The following LARGE1 variants were observed in gnomAD, a reference collection of about 807,000 sequenced individuals.
LARGE1 encodes the protein xylosyl- and glucuronyltransferase LARGE1.
A neutral mutation model predicts 87.6 loss-of-function variants in LARGE1; 43 were observed. The observed-to-expected ratio is 0.49, with a 90% confidence interval of 0.38 to 0.63. LARGE1 has a LOEUF of 0.63. Ranked by LOEUF, LARGE1 falls within the 30% of genes least tolerant of loss-of-function variation. The pLI is 0.00. For missense variants in LARGE1, 802 were observed against 1,000.2 expected (o/e 0.80, Z 2.67); for synonymous variants, 434 against 394.6 (o/e 1.10, Z -1.18).
intron 5 of LARGE1, among the ~76,000 whole-genome samples, chr22:33,596,574 A>G (rs1178100326): frequency 6.6e-6 from 1 of 152,232 alleles, no homozygotes; most frequent in African/African-American, 2.4e-5. Context: ...CAGGACCACA[A>G]AGGAAAGAAG....
chr22:33,451,703 C>T (rs2067933469), intron 6 of LARGE1, among the ~76,000 whole-genome samples: 1 of 150,800 alleles, frequency 6.6e-6, no homozygotes, highest in African/African-American at 2.4e-5. Context: ...GGATTACAGG[C>T]ACGCACCACC....
chr22:33,191,609 C>T (rs1425059740), intron 11 of LARGE1, among the ~76,000 whole-genome samples: 2 of 152,194 alleles, frequency 1.3e-5, no homozygotes, highest in African/African-American at 2.4e-5. Context: ...TACCACTCTG[C>T]CCCCAGAGTT....
chr22:33,807,311 G>C (rs764747419), intron 1 of LARGE1, among the ~76,000 whole-genome samples: 28 of 152,208 alleles, frequency 1.8e-4, no homozygotes, highest in Non-Finnish European at 3.2e-4. Flanking sequence ...TTAGGAACCA[G>C]CATGTAGTAG....
intron 11 of LARGE1, among the ~76,000 whole-genome samples, chr22:33,255,095 A>G (rs1220697296): frequency 1.3e-5 from 2 of 151,866 alleles, no homozygotes; most frequent in Non-Finnish European, 2.9e-5. Flanking sequence ...CTGCCACCAC[A>G]CCCAGCTAAT....
At chr22:33,882,035 G>GTTTTTTTTTTTT (rs56757133) in intron 1 of LARGE1, among the ~76,000 whole-genome samples, 1 of 144,228 alleles carries the variant, frequency 6.9e-6, no homozygotes, top group African/African-American at 2.6e-5. Context: ...TTTTGTTTTT[G>GTTTTTTTTTTTT]TTTTTTTTTG....
intron 6 of LARGE1, among the ~76,000 whole-genome samples, chr22:33,437,552 G>A (rs1216112656): frequency 6.6e-6 from 1 of 152,004 alleles, no homozygotes; most frequent in African/African-American, 2.4e-5. Context: ...TAAAAGCGTC[G>A]ATGAAATAGT....
chr22:33,886,123 G>A (rs1363303700), intron 1 of LARGE1, among the ~76,000 whole-genome samples: 1 of 152,142 alleles, frequency 6.6e-6, no homozygotes, highest in African/African-American at 2.4e-5. Context: ...AGGTAACCAC[G>A]CAGCCAAGCT....
intron 11 of LARGE1, among the ~76,000 whole-genome samples, chr22:33,178,597 G>C (rs61594304): frequency 7.2e-5 from 11 of 152,118 alleles, no homozygotes; most frequent in African/African-American, 2.2e-4. Flanking sequence ...TTGGGGTTTT[G>C]CTTTATGAAA....
chr22:33,318,063 C>T (rs556790458), intron 10 of LARGE1, among the ~76,000 whole-genome samples: 26 of 151,748 alleles, frequency 1.7e-4, no homozygotes, highest in African/African-American at 5.3e-4. Flanking sequence ...GGTGACACCC[C>T]GTCTCTACTA....
chr22:33,779,253 A>G (rs1266654994), intron 1 of LARGE1, among the ~76,000 whole-genome samples: 2 of 152,184 alleles, frequency 1.3e-5, no homozygotes, highest in Non-Finnish European at 2.9e-5. Flanking sequence ...TTCATTATAT[A>G]TGTCTGGCTC....
At chr22:33,920,783 GC>G (rs2147023075), upstream of LARGE1, among the ~76,000 whole-genome samples, 1 of 144,842 alleles carries the variant, frequency 6.9e-6, no homozygotes, top group East Asian at 2.1e-4. Context: ...AGATGCGCCG[GC>G]TTCCCGGAGC....
At chr22:33,528,601 T>C (rs2072031833) in intron 6 of LARGE1, among the ~76,000 whole-genome samples, 1 of 152,184 alleles carries the variant, frequency 6.6e-6, no homozygotes, top group South Asian at 2.1e-4. Context: ...AGAACCACTC[T>C]GTGTTGGGTG....
intron 2 of LARGE1, among the ~76,000 whole-genome samples, chr22:33,680,402 C>G (rs1241372337): frequency 6.7e-6 from 1 of 149,774 alleles, no homozygotes; most frequent in Non-Finnish European, 1.5e-5. Context: ...TAACTACTGA[C>G]AGAGAGCAGA....
intron 2 of LARGE1, among the ~76,000 whole-genome samples, chr22:33,664,170 C>A (rs1049095369): frequency 4.6e-5 from 7 of 152,340 alleles, no homozygotes; most frequent in Non-Finnish European, 1.0e-4. Flanking sequence ...AACGTGTATA[C>A]ACCGTGGCCA....
chr22:33,497,304 C>G (rs1237000239), intron 6 of LARGE1, among the ~76,000 whole-genome samples: 3 of 152,100 alleles, frequency 2.0e-5, no homozygotes, highest in Non-Finnish European at 4.4e-5. Flanking sequence ...TCAAACTCCT[C>G]ACCTCAAGTG....
intron 11 of LARGE1, among the ~76,000 whole-genome samples, chr22:33,206,796 C>T (rs1291439174): frequency 6.6e-6 from 1 of 152,188 alleles, no homozygotes; most frequent in Non-Finnish European, 1.5e-5. Flanking sequence ...TGGTGGACTA[C>T]AAGACAAAAT....
chr22:33,446,373 T>G (rs904826073), intron 6 of LARGE1, among the ~76,000 whole-genome samples: 3 of 152,094 alleles, frequency 2.0e-5, no homozygotes, highest in African/African-American at 7.2e-5. Flanking sequence ...GAACCTGAGG[T>G]GAGTGCTATG....
intron 9 of LARGE1, among the ~76,000 whole-genome samples, chr22:33,369,649 C>A (rs2064736038): frequency 6.6e-6 from 1 of 152,112 alleles, no homozygotes; most frequent in African/African-American, 2.4e-5. Context: ...ACTGCAACCT[C>A]TGCCTCCAGG....
chr22:33,488,117 C>G (rs1195115436), intron 6 of LARGE1, among the ~76,000 whole-genome samples: 1 of 152,166 alleles, frequency 6.6e-6, no homozygotes, highest in African/African-American at 2.4e-5. Context: ...TTTCAAACAC[C>G]GTTGACTTCC....
Sources: allele counts gnomAD v4.1 joint callset (sites outside exome capture counted in the v4.1 genomes callset), GRCh38; gene constraint gnomAD v4.1.1; transcripts MANE v1.5; gene names NCBI Gene and HGNC (gene_info 2026-07-23, HGNC 2026-07-21).